ZNF841: variants seen among roughly 807,000 people sequenced by gnomAD.
ZNF841 encodes TCONS_00006091.
ZNF841 carries 11 observed loss-of-function variants against 13.0 expected under a neutral mutation model. That is an observed-to-expected ratio of 0.85 (90% CI 0.53 to 1.40). The LOEUF (loss-of-function observed/expected upper bound fraction) is 1.40, where lower values mean the gene tolerates loss of function less well. Among genes scored for constraint, ZNF841 ranks in the 40% most tolerant of loss-of-function variants. ZNF841 has a pLI of 0.00. For synonymous variants in ZNF841, 369 were observed against 381.6 expected, an observed-to-expected ratio of 0.97 and a Z score of 0.38; for missense variants, 1,068 against 1,139.5, an observed-to-expected ratio of 0.94 and a Z score of 0.90.
chr19:52,074,631 C>T (rs1245819755), intron 6 of ZNF841, among the ~76,000 whole-genome samples: 2 of 152,186 alleles, frequency 1.3e-5, no homozygotes, highest in African/African-American at 4.8e-5. Flanking sequence ...ATTCTCCTGC[C>T]TCAGCCCCCC....
At chr19:52,082,179 T>G (rs938116239) in intron 4 of ZNF841, among the ~76,000 whole-genome samples, 4 of 152,164 alleles carry the variant, frequency 2.6e-5, no homozygotes, top group Admixed American at 2.6e-4. Flanking sequence ...GATCACTGAC[T>G]GACAAACTCA....
rs59679391 is a variant in ZNF841 at position 52,095,368 on chromosome 19, A to T, written c.-270+207T>A. On this transcript the variant is annotated intron_variant, in intron 1 of 6. Transcript: ENST00000594440. ...ACAGTGGGCGCTCCCCTCCAGGGGC[A>T]GACGACGGAGGAGCTCGGGGATCGC... Among the ~76,000 whole-genome samples, 1,252 of 152,226 alleles carry T rather than the reference A, an allele frequency of 8.2e-3. 23 individuals carry two copies. Among genetic ancestry groups the T allele is most frequent in the African/African-American group, 0.029 (1,193 of 41,548 alleles).
intron 6 of ZNF841, among the ~76,000 whole-genome samples, chr19:52,074,030 T>C (rs1360727927): frequency 1.3e-5 from 2 of 152,184 alleles, no homozygotes; most frequent in African/African-American, 4.8e-5. Flanking sequence ...CCGACAAATA[T>C]ATACTTTCAT....
At chr19:52,069,599 G>A (rs1207357463) in intron 6 of ZNF841, among the ~76,000 whole-genome samples, 1 of 152,190 alleles carries the variant, frequency 6.6e-6, no homozygotes, top group Admixed American at 6.5e-5. Context: ...TTGGAAGTGT[G>A]GTCTTTGGAA....
chr19:52,067,434 T>C lies in ZNF841; in HGVS notation c.448A>G (p.Ile150Val). The change falls in exon 7 of 7, where the codon ATA becomes GTA. Residue 150 changes from isoleucine (I) to valine (V), a missense_variant. Coordinates refer to ENST00000594440, the MANE Select transcript of ZNF841 (RefSeq NM_001136499.2). ...GTCATCGGCCCTTCTTTATAATTTA[T>C]TTCACCATCTTTCCATTGAAAGTCA... ...EVDFQWKDGE[I>V]NYKEGPMTHK... 1 of 1,549,232 alleles carries C rather than the reference T, an allele frequency of 6.5e-7. No homozygotes were observed. The highest frequency in any genetic ancestry group is 8.7e-7 in the Non-Finnish European group (1 of 1,146,510).
intron 4 of ZNF841, 24 bp from the exon 5 acceptor site, chr19:52,077,108 T>C (rs1333844940): frequency 6.3e-7 from 1 of 1,596,654 alleles, no homozygotes; most frequent in Admixed American, 1.7e-5. Flanking sequence ...CACATTTCAA[T>C]ATGAGCAGTG....
chr19:52,064,876 C>T lies in ZNF841; in HGVS notation c.*231G>A, dbSNP rs150468365. ...CTTGAACTCCTGACCTCAAGTGATCCGCCCACCTCAGCCTCCCAAAGTGCT... is the reference window on the plus strand; with the variant it reads ...CTTGAACTCCTGACCTCAAGTGATCTGCCCACCTCAGCCTCCCAAAGTGCT... On this transcript the variant is annotated 3_prime_UTR_variant, in exon 7 of 7. Transcript: ENST00000594440. The T allele has an allele frequency of 1.4e-3, 448 of 317,498 alleles. 4 individuals are homozygous for T. The East Asian group carries it at 0.02, about 14-fold the overall frequency. The allele number at this position is 317,498 out of a possible 1,614,324, so 19.7% of individuals were successfully genotyped here.
intron 2 of ZNF841, among the ~76,000 whole-genome samples, chr19:52,090,663 G>GAAAGAA (rs1555782720): frequency 8.0e-6 from 1 of 124,280 alleles, no homozygotes; most frequent in Non-Finnish European, 1.7e-5. Context: ...AGGAAAGAAA[G>GAAAGAA]AAAGAAAGAA....
Position 52,066,730 on chromosome 19 carries a change from T to A in ZNF841, c.1152A>T (p.Gln384His), listed in dbSNP as rs1257489699. 1.2e-6 allele frequency: 2 copies of A among 1,611,244 alleles called. No homozygotes were observed. The highest frequency in any genetic ancestry group is 3.4e-5 in the Admixed American group (2 of 59,498). Residue 384 changes from glutamine (Q) to histidine (H), a missense_variant, in exon 7 of 7, where the codon CAA becomes CAT. By Grantham distance (24) the Gln-to-His change is conservative. Transcript: ENST00000594440. ...TCTGATGAGTTGCAAGAGAGGAACT[T>A]TGACTAAAGCACTTCCCACATCGAT... is the stretch of plus-strand genomic sequence containing the variant. ...KCNRCGKCFS[Q>H]SSSLATHQTV... is the part of the protein sequence containing the mutation.
At chr19:52,079,953 T>G (rs1600095099) in intron 4 of ZNF841, among the ~76,000 whole-genome samples, 1 of 148,178 alleles carries the variant, frequency 6.7e-6, no homozygotes, top group Non-Finnish European at 1.5e-5. Context: ...ATCGCACTAT[T>G]GTACTCCAGC....
downstream of ZNF841, among the ~76,000 whole-genome samples, chr19:52,062,566 G>C (rs1454581822): frequency 1.3e-5 from 2 of 152,112 alleles, no homozygotes; most frequent in Non-Finnish European, 2.9e-5. Flanking sequence ...TCACCTTACT[G>C]ATTTATTCCC....
chr19:52,064,809 T>C lies in ZNF841; in HGVS notation c.*298A>G, dbSNP rs1348274587. The C allele has an allele frequency of 2.1e-5, 4 of 192,428 alleles. No individual in the cohort carries two copies. Among genetic ancestry groups the C allele is most frequent in the Non-Finnish European group, 4.3e-5 (4 of 93,788 alleles). 11.9% of individuals were successfully genotyped at this position (192,428 alleles called of 1,614,324 possible). A position where few individuals can be genotyped will look rare whatever the true frequency, so the allele number is the denominator to read the frequency against. ...CCACGAAGCCCAGCTAATTTTTGTA[T>C]TTTTGGCAGAAACAGGGTTTCACCA... is the stretch of plus-strand genomic sequence containing the variant. On this transcript the variant is annotated 3_prime_UTR_variant, in exon 7 of 7. Transcript: ENST00000594440.
intron 2 of ZNF841, among the ~76,000 whole-genome samples, chr19:52,091,532 C>G (rs2088496664): frequency 6.6e-6 from 1 of 152,036 alleles, no homozygotes; most frequent in African/African-American, 2.4e-5. Flanking sequence ...CAGAAATAAA[C>G]ATGCACATAT....
rs2087587997 is a variant in ZNF841 at position 52,066,850 on chromosome 19, G to A, written c.1032C>T (p.Pro344=). Residue 344 remains proline (P), a synonymous_variant, in exon 7 of 7, where the codon CCC becomes CCT. Coordinates refer to ENST00000594440, the MANE Select transcript of ZNF841 (RefSeq NM_001136499.2). ...NHRRSHTGDK[P]YICNECGKSF... ...ACTTGCCACATTCATTACATATGTA[G>A]GGTTTGTCTCCAGTGTGACTTCTCC... The A allele has an allele frequency of 1.2e-6, 2 of 1,613,982 alleles. No homozygotes were observed. Among genetic ancestry groups the A allele is most frequent in the Non-Finnish European group, 1.7e-6 (2 of 1,180,024 alleles).
intron 2 of ZNF841, among the ~76,000 whole-genome samples, chr19:52,092,143 G>C (rs2088518149): frequency 6.6e-6 from 1 of 152,024 alleles, no homozygotes; most frequent in Non-Finnish European, 1.5e-5. Flanking sequence ...CTCCATTTTG[G>C]GGGTGGGGTG....
chr19:52,059,370 A>T, the ZNF841 span, among the ~76,000 whole-genome samples: 5,709 of 68,220 alleles, frequency 0.084, 242 homozygotes, highest in South Asian at 0.11. Flanking sequence ...AAAAAAAAAA[A>T]ATATATATAT....
rs189072743 is a variant in ZNF841 at position 52,084,991 on chromosome 19, G to C, written c.-77-113C>G. The C allele has an allele frequency of 2.7e-5, 16 of 597,896 alleles. No homozygotes were observed. In the Admixed American group the frequency reaches 3.8e-4, roughly 14 times the overall value. The allele number at this position is 597,896 out of a possible 1,614,324, so 37.0% of individuals were successfully genotyped here. A position where few individuals can be genotyped will look rare whatever the true frequency, so the allele number is the denominator to read the frequency against. ...TGTGGAGAGACAGCCCAGTGCACCA[G>C]GGGGATGCAAGCATAATAAACTCCT... On this transcript the variant is annotated intron_variant, in intron 3 of 6. Transcript: ENST00000594440.
At position 52,066,251 on chromosome 19, in the gene ZNF841, T is replaced by A. The variant is rs1171361396; in HGVS notation, c.1631A>T (p.Asn544Ile). The change falls in exon 7 of 7, where the codon AAT becomes ATT. Residue 544 changes from asparagine to isoleucine, a missense_variant. Coordinates refer to ENST00000594440, the MANE Select transcript of ZNF841 (RefSeq NM_001136499.2). ...GTAATTAAAGACCTTGCCACACACATTACATTTGTAAGGTTTCTCTCCGGT... is the reference window on the plus strand; with the variant it reads ...GTAATTAAAGACCTTGCCACACACAATACATTTGTAAGGTTTCTCTCCGGT... ...IHTGEKPYKC[N>I]VCGKVFNYGG... The A allele has an allele frequency of 3.7e-6, 6 of 1,613,990 alleles. No individual in the cohort carries two copies. The highest frequency in any genetic ancestry group is 1.7e-5 in the Admixed American group (1 of 59,998).
chr19:52,093,762 T>G (rs1269753485), intron 2 of ZNF841, 84 bp downstream of exon 2: 2 of 152,138 alleles, frequency 1.3e-5, no homozygotes, highest in Non-Finnish European at 2.9e-5. Flanking sequence ...AAAATAACAA[T>G]TAATTAACTG....
Sources: allele counts gnomAD v4.1 joint callset (sites outside exome capture counted in the v4.1 genomes callset), GRCh38; gene constraint gnomAD v4.1.1; transcripts MANE v1.5; gene names NCBI Gene and HGNC (gene_info 2026-07-23, HGNC 2026-07-21).